The following SEMA6A variants were observed in gnomAD, a reference collection of about 807,000 sequenced individuals.
The protein encoded by SEMA6A is semaphorin 6A.
Under a neutral mutation model 96.8 loss-of-function variants are expected in SEMA6A, and 25 were observed. That is an observed-to-expected ratio of 0.26 (90% CI 0.19 to 0.36). SEMA6A has a LOEUF of 0.36. Among genes scored for constraint, SEMA6A ranks in the 10% least tolerant of loss-of-function variants. The pLI is 1.00. For synonymous variants in SEMA6A, 612 were observed against 518.0 expected (o/e 1.18, Z -2.46); for missense variants, 1,363 against 1,323.1 (o/e 1.03, Z -0.47).
In SEMA6A at chr5:116,574,742, T is replaced by G. The variant is rs1407412887; in HGVS notation, c.-596A>C. 6.6e-6 allele frequency: 1 copy of G among 152,308 alleles called. No individual in the cohort carries two copies. Among genetic ancestry groups the G allele is most frequent in the East Asian group, 1.9e-4 (1 of 5,176 alleles). 9.4% of individuals were successfully genotyped at this position (152,308 alleles called of 1,614,324 possible). On this transcript the variant is annotated 5_prime_UTR_variant, in exon 1 of 19. Coordinates refer to ENST00000343348, the MANE Select transcript of SEMA6A (RefSeq NM_020796.5). ...CGGCACCGCGGAGGAGCGCCGCTGC[T>G]GGGTTCCGAGCGCCTGGGCAGCCGA...
At chr5:116,546,557 G>A (rs180773627) in intron 1 of SEMA6A, among the ~76,000 whole-genome samples, 1 of 152,302 alleles carries the variant, frequency 6.6e-6, no homozygotes, top group East Asian at 1.9e-4. Context: ...CTGGTATCAG[G>A]CCTGAGCATC....
chr5:116,484,977 G>A (rs1756981313), intron 10 of SEMA6A, among the ~76,000 whole-genome samples: 1 of 152,136 alleles, frequency 6.6e-6, no homozygotes, highest in Non-Finnish European at 1.5e-5. Context: ...TTTATCCTCA[G>A]GGCAAATGGA....
At chr5:116,486,725 T>C (rs753776409) in intron 10 of SEMA6A, 24 bp downstream of exon 10, 1 of 1,595,872 alleles carries the variant, frequency 6.3e-7, no homozygotes, top group Non-Finnish European at 8.6e-7. Context: ...ATTGATGAGG[T>C]CAACACAGCT....
At chr5:116,516,427 A>G (rs1345413050) in intron 1 of SEMA6A, among the ~76,000 whole-genome samples, 1 of 152,046 alleles carries the variant, frequency 6.6e-6, no homozygotes, top group Non-Finnish European at 1.5e-5. Flanking sequence ...TGTCTCAGTG[A>G]GCTCAGTGAA....
chr5:116,466,036 AAGG>A lies in SEMA6A; in HGVS notation c.1894+1544_1894+1546del, dbSNP rs1400166457. On this transcript the variant is annotated intron_variant, in intron 18 of 18. Transcript: ENST00000343348. ...AGCAGGGAATCCCTCAAACTGAAAG[AAGG>A]AGATGAGACAAAACCAGCTTAAAAA... 1.1e-4 allele frequency among the ~76,000 whole-genome samples: 17 copies of A among 149,010 alleles called. No individual in the cohort carries two copies. The East Asian group carries it at 2.2e-3, about 19-fold the overall frequency.
chr5:116,508,874 A>G (rs1758268338), intron 1 of SEMA6A, among the ~76,000 whole-genome samples: 1 of 152,202 alleles, frequency 6.6e-6, no homozygotes, highest in Non-Finnish European at 1.5e-5. Flanking sequence ...GGGAACCTTT[A>G]TACTACCCAG....
chr5:116,536,981 A>G (rs965291366), intron 1 of SEMA6A, among the ~76,000 whole-genome samples: 11 of 151,808 alleles, frequency 7.2e-5, no homozygotes, highest in African/African-American at 2.4e-4. Context: ...GAGAGGAAAG[A>G]TGGACATTGT....
At position 116,561,966 on chromosome 5, in the gene SEMA6A, T is replaced by TA. The variant is rs1395804628; in HGVS notation, c.-39+12218_-39+12219insT. Among the ~76,000 whole-genome samples the TA allele has an allele frequency of 1.2e-4, 17 of 141,156 alleles. No individual in the cohort carries two copies. The East Asian group carries it at 1.7e-3, about 14-fold the overall frequency. 92.6% of individuals were successfully genotyped at this position (141,156 alleles called of 152,430 possible). A position where few individuals can be genotyped will look rare whatever the true frequency, so the allele number is the denominator to read the frequency against. On this transcript the variant is annotated intron_variant, in intron 1 of 18. Coordinates refer to ENST00000343348, the MANE Select transcript of SEMA6A (RefSeq NM_020796.5). ...TGTACTCTGAACATCCCTTTATAATTTAAAAAAAAAAAGTATCCAAAAGAT... is the reference window on the plus strand; with the variant it reads ...TGTACTCTGAACATCCCTTTATAATTATAAAAAAAAAAAGTATCCAAAAGAT...
chr5:116,512,851 G>A (rs1409519394), intron 1 of SEMA6A, among the ~76,000 whole-genome samples: 9 of 152,160 alleles, frequency 5.9e-5, no homozygotes, highest in Non-Finnish European at 1.3e-4. Flanking sequence ...AAAGTATTGT[G>A]GCAAACTCTG....
At chr5:116,447,858 G>A (rs1754351599) in intron 18 of SEMA6A, 47 bp from the exon 19 acceptor site, 3 of 1,454,632 alleles carry the variant, frequency 2.1e-6, no homozygotes, top group Non-Finnish European at 2.8e-6. Context: ...AGCACACCCC[G>A]AGGCTTGTTT....
intron 1 of SEMA6A, among the ~76,000 whole-genome samples, chr5:116,506,318 C>G (rs1561504429): frequency 6.6e-6 from 1 of 152,132 alleles, no homozygotes; most frequent in Non-Finnish European, 1.5e-5. Flanking sequence ...TTTGCTTTAT[C>G]TTGAAAATCA....
chr5:116,486,724 G>C (rs1372940863), intron 10 of SEMA6A, 25 bp downstream of exon 10: 1 of 1,591,950 alleles, frequency 6.3e-7, no homozygotes, highest in African/African-American at 1.3e-5. Context: ...AATTGATGAG[G>C]TCAACACAGC....
chr5:116,501,232 G>A (rs775941075), intron 3 of SEMA6A, among the ~76,000 whole-genome samples: 9 of 152,278 alleles, frequency 5.9e-5, no homozygotes, highest in Admixed American at 2.0e-4. Flanking sequence ...ATTTGGCAGA[G>A]GATACTTATG....
At chr5:116,573,251 T>G (rs997170433) in intron 1 of SEMA6A, among the ~76,000 whole-genome samples, 1 of 152,198 alleles carries the variant, frequency 6.6e-6, no homozygotes, top group Non-Finnish European at 1.5e-5. Context: ...AGAGCCCTAG[T>G]CTGGGTTTCA....
chr5:116,504,717 C>A, intron 2 of SEMA6A, 128 bp downstream of exon 2: 1 of 668,700 alleles, frequency 1.5e-6, no homozygotes, highest in Non-Finnish European at 2.6e-6. Flanking sequence ...GAATTAGCCA[C>A]CTTTGCCACA....
At chr5:116,512,028 G>A (rs1394794144) in intron 1 of SEMA6A, among the ~76,000 whole-genome samples, 1 of 152,174 alleles carries the variant, frequency 6.6e-6, no homozygotes, top group African/African-American at 2.4e-5. Context: ...CACAGAGGCT[G>A]GAACTGCTGA....
intron 1 of SEMA6A, 133 bp from the exon 2 acceptor site, chr5:116,505,115 AT>A (rs1384248478): frequency 1.8e-6 from 1 of 547,834 alleles, no homozygotes; most frequent in Non-Finnish European, 3.3e-6. Flanking sequence ...AAATTCGTTG[AT>A]TTTTGTGTTT....
In SEMA6A at chr5:116,572,908, C is replaced by A. The variant is rs572740986; in HGVS notation, c.-39+1277G>T. ...AGGAGCGCCTGGTCTAGTGACCCCG[C>A]CGCTGTAAAGTGGGAGGAGGCGCTG... On this transcript the variant is annotated intron_variant, in intron 1 of 18. Transcript: ENST00000343348. Among the ~76,000 whole-genome samples the A allele has an allele frequency of 8.5e-5, 13 of 152,316 alleles. No homozygotes were observed. In the South Asian group the frequency reaches 2.5e-3, roughly 29 times the overall value.
intron 1 of SEMA6A, among the ~76,000 whole-genome samples, chr5:116,567,683 A>C (rs1761069620): frequency 6.6e-6 from 1 of 152,234 alleles, no homozygotes; most frequent in Non-Finnish European, 1.5e-5. Flanking sequence ...CTGTCAAAAA[A>C]GCATGACCTC....
Sources: allele counts gnomAD v4.1 joint callset (sites outside exome capture counted in the v4.1 genomes callset), GRCh38; gene constraint gnomAD v4.1.1; transcripts MANE v1.5; gene names NCBI Gene and HGNC (gene_info 2026-07-23, HGNC 2026-07-21).